NT5DC3: variants seen among roughly 807,000 people sequenced by gnomAD.
NT5DC3 encodes 5'-nucleotidase domain-containing protein 3.
Under a neutral mutation model 67.8 loss-of-function variants are expected in NT5DC3, and 42 were observed. The observed-to-expected ratio is 0.62, with a 90% CI of 0.48 to 0.80. The LOEUF is 0.80. Ranked by LOEUF, NT5DC3 falls within the 30% of genes least tolerant of loss-of-function variation. The pLI, the probability that NT5DC3 is intolerant of heterozygous loss-of-function variation, is 0.00. For synonymous variants in NT5DC3, 237 were observed against 255.6 expected (o/e 0.93, Z 0.69); for missense variants, 570 against 696.4 (o/e 0.82, Z 2.04).
At chr12:103,785,238 C>T in intron 12 of NT5DC3, 97 bp downstream of exon 12, 1 of 1,194,320 alleles carries the variant, frequency 8.4e-7, no homozygotes, top group Non-Finnish European at 1.2e-6. Flanking sequence ...ACAACTTAAG[C>T]CTCATATTTT....
intron 1 of NT5DC3, among the ~76,000 whole-genome samples, chr12:103,840,100 C>T (rs1209120248): frequency 1.3e-5 from 2 of 152,218 alleles, no homozygotes; most frequent in Non-Finnish European, 2.9e-5. Context: ...CAGGCGTCAC[C>T]TTGGCCAGGT....
intron 1 of NT5DC3, among the ~76,000 whole-genome samples, chr12:103,838,035 GC>G (rs1888224449): frequency 6.6e-6 from 1 of 152,192 alleles, no homozygotes; most frequent in Admixed American, 6.5e-5. Context: ...GGCCACAGAG[GC>G]CTCAGAATCA....
the NT5DC3 span, among the ~76,000 whole-genome samples, chr12:103,764,634 G>A: frequency 6.6e-6 from 1 of 152,090 alleles, no homozygotes; most frequent in Non-Finnish European, 1.5e-5. Flanking sequence ...GTTGAAGTTT[G>A]TATAGTGTAA....
chr12:103,761,485 A>G, the NT5DC3 span: 9 of 1,307,266 alleles, frequency 6.9e-6, no homozygotes, highest in Non-Finnish European at 9.9e-6. Flanking sequence ...AACCATTACC[A>G]GAAGCCCTGT....
At chr12:103,778,744 T>C (rs141063620) in intron 13 of NT5DC3, among the ~76,000 whole-genome samples, 1 of 152,072 alleles carries the variant, frequency 6.6e-6, no homozygotes, top group African/African-American at 2.4e-5. Flanking sequence ...TGGTTGAGGC[T>C]GCAGTGAGCT....
chr12:103,799,804 C>CAAA (rs72379630), intron 4 of NT5DC3, among the ~76,000 whole-genome samples: 2 of 131,494 alleles, frequency 1.5e-5, no homozygotes, highest in Non-Finnish European at 3.2e-5. Context: ...CTCCACATAC[C>CAAA]AAAAAAAAAA....
rs76534992 is a variant in NT5DC3 at position 103,804,433 on chromosome 12, C to G, written c.524+1889G>C. ...GAGGCTACTGGAGGATATACTCAAGCAAAGTGAGGGAGTAAAGCCAGAGAG... is the reference window on the plus strand; with the variant it reads ...GAGGCTACTGGAGGATATACTCAAGGAAAGTGAGGGAGTAAAGCCAGAGAG... On this transcript the variant is annotated intron_variant, in intron 4 of 13. Transcript: ENST00000392876. 2.2e-3 allele frequency among the ~76,000 whole-genome samples: 335 copies of G among 152,198 alleles called. 3 individuals carry two copies. Among genetic ancestry groups the G allele is most frequent in the African/African-American group, 6.9e-3 (288 of 41,510 alleles).
At chr12:103,780,970 T>TA (rs1490720846) in intron 12 of NT5DC3, among the ~76,000 whole-genome samples, 1 of 144,118 alleles carries the variant, frequency 6.9e-6, no homozygotes, top group Non-Finnish European at 1.5e-5. Context: ...AGTGTTTAAT[T>TA]TAAAAAAACA....
rs1406948600 is a variant in NT5DC3 at position 103,833,209 on chromosome 12, T to C, written c.208+7740A>G. On this transcript the variant is annotated intron_variant, in intron 1 of 13. Coordinates refer to ENST00000392876, the MANE Select transcript of NT5DC3 (RefSeq NM_001031701.3). ...CTACCCCCGTCATTCATTTTAGAGA[T>C]TCATTCATTTTAAAGGCTCTGACTC... 2.6e-5 allele frequency among the ~76,000 whole-genome samples: 4 copies of C among 152,186 alleles called. No individual in the cohort carries two copies. The East Asian group carries it at 7.7e-4, about 29-fold the overall frequency.
chr12:103,758,126 C>T, the NT5DC3 span: 3 of 1,612,312 alleles, frequency 1.9e-6, no homozygotes, highest in Non-Finnish European at 2.5e-6. Context: ...CAGGTCCCTG[C>T]ACACCAGGGC....
chr12:103,786,637 A>C (rs1455628019), intron 11 of NT5DC3, among the ~76,000 whole-genome samples: 2 of 151,602 alleles, frequency 1.3e-5, no homozygotes, highest in African/African-American at 2.4e-5. Context: ...GTCCTATGCA[A>C]GAGTCTAAGA....
the NT5DC3 span, among the ~76,000 whole-genome samples, chr12:103,759,495 G>A: frequency 6.6e-6 from 1 of 152,214 alleles, no homozygotes; most frequent in African/African-American, 2.4e-5. Context: ...TTATGGGGAA[G>A]GATAATGAAC....
chr12:103,798,263 G>A (rs113757496), intron 5 of NT5DC3, among the ~76,000 whole-genome samples: 19 of 152,294 alleles, frequency 1.2e-4, no homozygotes, highest in Admixed American at 2.6e-4. Flanking sequence ...ACAGCCATTC[G>A]TCAGGGGAAG....
At chr12:103,816,742 A>C (rs1316751703) in intron 1 of NT5DC3, among the ~76,000 whole-genome samples, 2 of 152,130 alleles carry the variant, frequency 1.3e-5, no homozygotes, top group Admixed American at 6.5e-5. Flanking sequence ...TTATTATTAG[A>C]ATTATTTCAT....
chr12:103,828,487 A>C (rs969716116), intron 1 of NT5DC3, among the ~76,000 whole-genome samples: 1 of 152,220 alleles, frequency 6.6e-6, no homozygotes, highest in Non-Finnish European at 1.5e-5. Flanking sequence ...TCAACATCAT[A>C]TGCCTAAACT....
chr12:103,832,431 T>C (rs962834017), intron 1 of NT5DC3, among the ~76,000 whole-genome samples: 3 of 152,202 alleles, frequency 2.0e-5, no homozygotes, highest in Non-Finnish European at 4.4e-5. Flanking sequence ...GTGATTCCGA[T>C]GTGCCTATCA....
the NT5DC3 span, among the ~76,000 whole-genome samples, chr12:103,749,900 C>T: frequency 2.1e-5 from 3 of 140,998 alleles, no homozygotes; most frequent in African/African-American, 5.3e-5. Flanking sequence ...GGAAAAGTGC[C>T]GAAAAGATGA....
downstream of NT5DC3, among the ~76,000 whole-genome samples, chr12:103,771,566 C>A (rs2139283471): frequency 6.6e-6 from 1 of 152,298 alleles, no homozygotes; most frequent in East Asian, 1.9e-4. Flanking sequence ...CCCATCACTG[C>A]AAAACCCAAG....
At chr12:103,789,784 G>T (rs1178353538) in intron 9 of NT5DC3, among the ~76,000 whole-genome samples, 2 of 152,138 alleles carry the variant, frequency 1.3e-5, no homozygotes, top group Non-Finnish European at 2.9e-5. Context: ...AGGACTCACA[G>T]TTTGTTTGCC....
Sources: gnomAD v4.1 joint callset for allele counts (sites outside exome capture counted in the v4.1 genomes callset) on GRCh38, gnomAD v4.1.1 for gene constraint, MANE v1.5 for transcripts, NCBI Gene and HGNC (gene_info 2026-07-23, HGNC 2026-07-21) for gene names.